The following ABCG8 variants were observed in gnomAD, a reference collection of about 807,000 sequenced individuals.
ABCG8 encodes the protein ATP binding cassette subfamily G member 8.
A neutral mutation model predicts 71.3 loss-of-function variants in ABCG8; 81 were observed. The ratio of observed to expected loss-of-function variants is 1.14; its 90% confidence interval spans 0.95 to 1.37. ABCG8 has a LOEUF of 1.37. Ranked by LOEUF, ABCG8 falls within the 40% of genes most tolerant of loss-of-function variation. The pLI is 0.00. For missense variants in ABCG8, 1,119 were observed against 866.2 expected, an observed-to-expected ratio of 1.29 and a Z score of -3.66; for synonymous variants, 451 against 354.7, an observed-to-expected ratio of 1.27 and a Z score of -3.05.
At chr2:43,840,361 A>C (rs1056360456) in intron 1 of ABCG8, among the ~76,000 whole-genome samples, 14 of 152,250 alleles carry the variant, frequency 9.2e-5, no homozygotes, top group Admixed American at 6.5e-4. Flanking sequence ...ATAGAAAGTC[A>C]GCGGGACTTT....
chr2:43,877,943 G>T lies in ABCG8; in HGVS notation c.*30G>T, dbSNP rs1304650686. On this transcript the variant is annotated 3_prime_UTR_variant, in exon 13 of 13. Coordinates refer to ENST00000272286, the MANE Select transcript of ABCG8 (RefSeq NM_022437.3). ...CGCCAGACGTCTGCCCGCTGGTGGG[G>T]GACCTGAGCAGACCCTTCAACTGCA... is the stretch of plus-strand genomic sequence containing the variant. 3.7e-6 allele frequency: 6 copies of T among 1,614,028 alleles called. No individual in the cohort carries two copies. In the East Asian group the frequency reaches 1.1e-4, roughly 30 times the overall value.
intron 6 of ABCG8, among the ~76,000 whole-genome samples, chr2:43,865,961 T>A (rs1357341494): frequency 6.6e-6 from 1 of 151,094 alleles, no homozygotes; most frequent in African/African-American, 2.4e-5. Flanking sequence ...TAGGCTACAG[T>A]AACCAAAACA....
At chr2:43,862,601 C>A (rs76383309) in intron 6 of ABCG8, among the ~76,000 whole-genome samples, 236 of 146,348 alleles carry the variant, frequency 1.6e-3, no homozygotes, top group Middle Eastern at 0.015. Context: ...TACCTGGAAA[C>A]AACTCTCACT....
At chr2:43,842,620 C>T (rs749491188) in intron 1 of ABCG8, among the ~76,000 whole-genome samples, 1 of 152,012 alleles carries the variant, frequency 6.6e-6, no homozygotes, top group African/African-American at 2.4e-5. Context: ...TGTGAAATAT[C>T]GTACACAAAT....
chr2:43,877,493 C>G, intron 11 of ABCG8, 68 bp from the exon 12 acceptor site: 1 of 1,609,312 alleles, frequency 6.2e-7, no homozygotes, highest in Non-Finnish European at 8.5e-7. Flanking sequence ...TGGGGGAGAC[C>G]ATGCGAATAT....
intron 6 of ABCG8, among the ~76,000 whole-genome samples, chr2:43,870,652 A>C (rs954963098): frequency 2.6e-5 from 4 of 151,702 alleles, no homozygotes. Flanking sequence ...TAGAATTCTC[A>C]CCATCTGCAT....
At position 43,880,166 on chromosome 2, in the gene ABCG8, A is replaced by ATTTTTT. The variant is rs200243054; in HGVS notation, c.*2254_*2259dup. 3 of 102,536 alleles carry ATTTTTT rather than the reference A, an allele frequency of 2.9e-5. 1 individual carries two copies. 6.4% of individuals were successfully genotyped at this position (102,536 alleles called of 1,614,324 possible). ...TGAAACAACCAAGAGTTTCAGGCTC[A>ATTTTTT]TTTTTTGTTTTGTTTTTTTTTTTTT... On this transcript the variant is annotated 3_prime_UTR_variant, in exon 13 of 13. Coordinates refer to ENST00000272286, the MANE Select transcript of ABCG8 (RefSeq NM_022437.3).
chr2:43,864,490 A>G (rs114134517), intron 6 of ABCG8, among the ~76,000 whole-genome samples: 1,856 of 151,850 alleles, frequency 0.012, 39 homozygotes, highest in African/African-American at 0.042. Context: ...CTATCTAGAT[A>G]GAATTCTCAC....
At chr2:43,859,589 C>T (rs1240959139) in intron 6 of ABCG8, among the ~76,000 whole-genome samples, 1 of 151,216 alleles carries the variant, frequency 6.6e-6, no homozygotes, top group East Asian at 1.9e-4. Flanking sequence ...CTGTCGCTAT[C>T]AATCTGGATA....
chr2:43,875,497 C>A, intron 11 of ABCG8, 84 bp downstream of exon 11: 1 of 1,514,056 alleles, frequency 6.6e-7, no homozygotes, highest in Non-Finnish European at 8.9e-7. Context: ...GAGATGGACA[C>A]TTATCACTTA....
rs774129955 is a variant in ABCG8 at position 43,873,987 on chromosome 2, G to T, written c.1411+1G>T. On this transcript the variant is annotated splice_donor_variant, in intron 9 of 12. Transcript: ENST00000272286. LOFTEE classifies it high-confidence loss of function. The stretch of plus-strand genomic sequence containing the variant: ...GTCATTCTGGATGTCATCTCCAAAT[G>T]TGAGTGTGGCCCACTGGCATGGGCA... 13 of 1,613,730 alleles carry T rather than the reference G, an allele frequency of 8.1e-6. No homozygotes were observed. In the African/African-American group the frequency reaches 1.7e-4, roughly 22 times the overall value.
Position 43,878,917 on chromosome 2 carries a change from A to T in ABCG8, c.*1004A>T, listed in dbSNP as rs1208501133. ...AGTGAGTGAGTTCTGATGAGATCCG[A>T]CGGTTTTATAAGGGGCTTCCCTCTT... On this transcript the variant is annotated 3_prime_UTR_variant, in exon 13 of 13. Transcript: ENST00000272286. 6.6e-6 allele frequency: 1 copy of T among 152,096 alleles called. No homozygotes were observed. The highest frequency in any genetic ancestry group is 1.5e-5 in the Non-Finnish European group (1 of 68,034). 9.4% of individuals were successfully genotyped at this position (152,096 alleles called of 1,614,324 possible).
chr2:43,843,952 A>G (rs926914705), intron 1 of ABCG8, among the ~76,000 whole-genome samples: 4 of 152,214 alleles, frequency 2.6e-5, no homozygotes, highest in Non-Finnish European at 4.4e-5. Context: ...GAGGAGAAGT[A>G]TGCCAGATGT....
In ABCG8 at chr2:43,851,782, G is replaced by A. The variant is rs762440574; in HGVS notation, c.521G>A (p.Arg174Gln). The A allele has an allele frequency of 1.6e-5, 26 of 1,614,176 alleles. No individual in the cohort carries two copies. Among genetic ancestry groups the A allele is most frequent in the Middle Eastern group, 1.6e-4 (1 of 6,062 alleles). The change falls in exon 4 of 13, where the codon CGG becomes CAG. Residue 174 changes from arginine to glutamine, a missense_variant. Transcript: ENST00000272286. ...ACCTTGGCCTTCATTGCCCAGATGCGGCTGCCCAGAACCTTCTCCCAGGCC... is the reference window on the plus strand; with the variant it reads ...ACCTTGGCCTTCATTGCCCAGATGCAGCTGCCCAGAACCTTCTCCCAGGCC... ...RETLAFIAQM[R>Q]LPRTFSQAQR...
intron 1 of ABCG8, among the ~76,000 whole-genome samples, chr2:43,839,345 AATG>A (rs1336345232): frequency 6.6e-6 from 1 of 150,376 alleles, no homozygotes; most frequent in Non-Finnish European, 1.5e-5. Context: ...CTTTTAGGGA[AATG>A]ATGTTCTTTT....
At chr2:43,868,408 A>G (rs1669611948) in intron 6 of ABCG8, among the ~76,000 whole-genome samples, 4 of 151,710 alleles carry the variant, frequency 2.6e-5, no homozygotes, top group Non-Finnish European at 5.9e-5. Context: ...AACTCTCACT[A>G]TCTTTCTCGA....
chr2:43,874,566 C>A, intron 10 of ABCG8, 83 bp downstream of exon 10: 1 of 1,165,706 alleles, frequency 8.6e-7, no homozygotes. Flanking sequence ...ACAAGGAAGG[C>A]TTTTCTGAAC....
intron 6 of ABCG8, among the ~76,000 whole-genome samples, chr2:43,864,309 T>G (rs953535092): frequency 6.6e-6 from 1 of 151,698 alleles, no homozygotes; most frequent in Admixed American, 6.6e-5. Context: ...TGGATAGAAT[T>G]CTCACTATCT....
chr2:43,875,235 G>A lies in ABCG8; in HGVS notation c.1578G>A (p.Gln526=). The A allele has an allele frequency of 6.2e-7, 1 of 1,614,242 alleles. No individual in the cohort carries two copies. Among genetic ancestry groups the A allele is most frequent in the African/African-American group, 1.3e-5 (1 of 75,080 alleles). ...YWLANLRPGL[Q]PFLLHFLLVW... ...TGGCCAACCTGAGGCCAGGCCTCCA[G>A]CCCTTCCTGCTGCACTTCCTGCTGG... The change falls in exon 11 of 13, where the codon CAG becomes CAA. Residue 526 remains glutamine, a synonymous_variant. Coordinates refer to ENST00000272286, the MANE Select transcript of ABCG8 (RefSeq NM_022437.3).
Sources: gnomAD v4.1 joint callset for allele counts (sites outside exome capture counted in the v4.1 genomes callset) on GRCh38, gnomAD v4.1.1 for gene constraint, MANE v1.5 for transcripts, NCBI Gene and HGNC (gene_info 2026-07-23, HGNC 2026-07-21) for gene names.